FAF1: variants seen among roughly 807,000 people sequenced by gnomAD.
FAF1 encodes the protein Fas associated factor 1.
Under a neutral mutation model 92.5 loss-of-function variants are expected in FAF1, and 25 were observed. The observed-to-expected ratio is 0.27, with a 90% CI of 0.20 to 0.38. FAF1 has a LOEUF of 0.38. Ranked by LOEUF, FAF1 falls within the 10% of genes least tolerant of loss-of-function variation. The pLI is 1.00. For synonymous variants in FAF1, 234 were observed against 273.2 expected (o/e 0.86, Z 1.42); for missense variants, 636 against 793.3 (o/e 0.80, Z 2.38).
intron 8 of FAF1, among the ~76,000 whole-genome samples, chr1:50,650,555 G>A (rs547629580): frequency 6.6e-6 from 1 of 152,236 alleles, no homozygotes; most frequent in East Asian, 1.9e-4. Context: ...GGGAGGCAGA[G>A]GTTGCAGTCA....
At chr1:50,511,610 G>C (rs1254647327) in intron 15 of FAF1, among the ~76,000 whole-genome samples, 2 of 152,144 alleles carry the variant, frequency 1.3e-5, no homozygotes, top group Non-Finnish European at 2.9e-5. Context: ...ATATCCCGTG[G>C]TGTATATGTG....
At position 50,507,155 on chromosome 1, in the gene FAF1, T is replaced by A. The variant is rs115461055; in HGVS notation, c.1495-15354A>T. Among the ~76,000 whole-genome samples, 433 of 152,292 alleles carry A rather than the reference T, an allele frequency of 2.8e-3. 4 individuals are homozygous for A. Among genetic ancestry groups the A allele is most frequent in the African/African-American group, 0.01 (417 of 41,584 alleles). ...CACAGGGCAGGGCACTTAGTAGGTA[T>A]TCAACAGATGTGCACTGAATTAAAC... On this transcript the variant is annotated intron_variant, in intron 15 of 18. Transcript: ENST00000396153.
chr1:50,861,318 T>C (rs913197122), intron 1 of FAF1, among the ~76,000 whole-genome samples: 1 of 151,860 alleles, frequency 6.6e-6, no homozygotes, highest in Non-Finnish European at 1.5e-5. Flanking sequence ...TCCACTATGA[T>C]GGTATTTGGA....
intron 13 of FAF1, among the ~76,000 whole-genome samples, chr1:50,553,413 T>C (rs1649405673): frequency 6.6e-6 from 1 of 152,184 alleles, no homozygotes; most frequent in Non-Finnish European, 1.5e-5. Flanking sequence ...GACTCATTTG[T>C]GGGTGATAAA....
chr1:50,928,782 C>CAAAAAAAAGAAAAAA (rs1645025898), intron 1 of FAF1, among the ~76,000 whole-genome samples: 1 of 39,704 alleles, frequency 2.5e-5, no homozygotes, highest in Non-Finnish European at 5.2e-5. Context: ...GACTCCACCT[C>CAAAAAAAAGAAAAAA]AAAAAAAAAA....
rs143345841 is a variant in FAF1, at chr1:50,637,088, T to C, written c.744+18354A>G. ...AAATATCACATTGTATTGAATATTA[T>C]AGTAATATTTTTTGAAATCAGGGAG... On this transcript the variant is annotated intron_variant, in intron 8 of 18. Coordinates refer to ENST00000396153, the MANE Select transcript of FAF1 (RefSeq NM_007051.3). Among the ~76,000 whole-genome samples, 672 of 152,114 alleles carry C rather than the reference T, an allele frequency of 4.4e-3. 9 individuals are homozygous for C. The highest frequency in any genetic ancestry group is 0.015 in the African/African-American group (605 of 41,512).
At chr1:50,810,420 G>A (rs1643894169) in intron 2 of FAF1, among the ~76,000 whole-genome samples, 1 of 152,026 alleles carries the variant, frequency 6.6e-6, no homozygotes, top group South Asian at 2.1e-4. Flanking sequence ...GGCACTGAAG[G>A]AGCACACTTC....
At chr1:50,825,362 A>G (rs1644086744) in intron 2 of FAF1, among the ~76,000 whole-genome samples, 1 of 152,100 alleles carries the variant, frequency 6.6e-6, no homozygotes, top group African/African-American at 2.4e-5. Context: ...AAATACTAAC[A>G]AAAGTTTTGT....
chr1:50,737,757 A>T (rs1050190282), intron 6 of FAF1, among the ~76,000 whole-genome samples: 4 of 152,172 alleles, frequency 2.6e-5, no homozygotes, highest in African/African-American at 4.8e-5. Flanking sequence ...AGCCAAATTT[A>T]ATTTTATTTT....
At chr1:50,943,549 G>C (rs529063098) in intron 1 of FAF1, among the ~76,000 whole-genome samples, 1 of 152,246 alleles carries the variant, frequency 6.6e-6, no homozygotes, top group Non-Finnish European at 1.5e-5. Flanking sequence ...CCAGGGCCAA[G>C]GTGTTGTCAT....
intron 1 of FAF1, among the ~76,000 whole-genome samples, chr1:50,902,694 C>A (rs559498100): frequency 1.3e-5 from 2 of 152,270 alleles, no homozygotes; most frequent in African/African-American, 4.8e-5. Context: ...ATAGTATTTG[C>A]ATATAACTTA....
intron 1 of FAF1, among the ~76,000 whole-genome samples, chr1:50,911,783 A>G (rs996161507): frequency 6.6e-6 from 1 of 152,162 alleles, no homozygotes; most frequent in African/African-American, 2.4e-5. Context: ...CTGTAATCCC[A>G]GCACTTTGGG....
intron 4 of FAF1, among the ~76,000 whole-genome samples, chr1:50,768,332 C>A (rs1660653998): frequency 6.6e-6 from 1 of 151,992 alleles, no homozygotes; most frequent in African/African-American, 2.4e-5. Context: ...CTTAAGATAA[C>A]CACACAATAA....
intron 3 of FAF1, among the ~76,000 whole-genome samples, chr1:50,791,914 C>G (rs183362838): frequency 1.3e-5 from 2 of 152,182 alleles, no homozygotes; most frequent in Non-Finnish European, 2.9e-5. Flanking sequence ...GGACAAGATT[C>G]AAGAATTGGC....
At chr1:50,545,495 C>CT in intron 13 of FAF1, among the ~76,000 whole-genome samples, 1 of 152,154 alleles carries the variant, frequency 6.6e-6, no homozygotes, top group African/African-American at 2.4e-5. Context: ...TCTTGAACTC[C>CT]TGATCTCAAG....
chr1:50,619,321 T>C (rs1653081866), intron 8 of FAF1, among the ~76,000 whole-genome samples: 1 of 152,232 alleles, frequency 6.6e-6, no homozygotes, highest in African/African-American at 2.4e-5. Context: ...TATAATTGCT[T>C]TTCAGTGTCT....
intron 1 of FAF1, among the ~76,000 whole-genome samples, chr1:50,939,951 T>C (rs1256453047): frequency 6.6e-6 from 1 of 152,170 alleles, no homozygotes; most frequent in Non-Finnish European, 1.5e-5. Context: ...CACTCTGTCA[T>C]CCAGGCTGGA....
intron 1 of FAF1, among the ~76,000 whole-genome samples, chr1:50,951,940 ATAT>A (rs1019044482): frequency 2.0e-5 from 3 of 152,214 alleles, no homozygotes; most frequent in African/African-American, 7.2e-5. Context: ...GAAAGAGAAA[ATAT>A]TATAAACGGA....
intron 18 of FAF1, among the ~76,000 whole-genome samples, chr1:50,445,179 G>A (rs1328033769): frequency 4.6e-5 from 7 of 152,052 alleles, no homozygotes; most frequent in South Asian, 2.1e-4. Flanking sequence ...TGGTGCACCC[G>A]TCACCCAGGC....
Sources: gnomAD v4.1 joint callset for allele counts (sites outside exome capture counted in the v4.1 genomes callset) on GRCh38, gnomAD v4.1.1 for gene constraint, MANE v1.5 for transcripts, NCBI Gene and HGNC (gene_info 2026-07-23, HGNC 2026-07-21) for gene names.